Variants in PATJ observed in about 807,000 individuals in gnomAD.
PATJ encodes inaD-like protein.
Under a neutral mutation model 224.9 loss-of-function variants are expected in PATJ, and 190 were observed. The ratio of observed to expected loss-of-function variants is 0.84; its 90% CI spans 0.75 to 0.95. The LOEUF (loss-of-function observed/expected upper bound fraction) is 0.95. PATJ is among the 40% of genes least tolerant of loss of function. PATJ has a pLI of 0.00. For synonymous variants in PATJ, 769 were observed against 820.3 expected (o/e 0.94, Z 1.07); for missense variants, 2,121 against 2,270.3 (o/e 0.93, Z 1.34).
At chr1:61,744,774 CAT>C (rs2148125118) in intron 1 of PATJ, among the ~76,000 whole-genome samples, 1 of 152,256 alleles carries the variant, frequency 6.6e-6, no homozygotes, top group East Asian at 1.9e-4. Context: ...TGTCAGATCC[CAT>C]AAGACTGCCC....
At position 61,965,513 on chromosome 1, in the gene PATJ, A is replaced by T. The variant is rs544717693; in HGVS notation, c.3671-24655A>T. Among the ~76,000 whole-genome samples, 29 of 152,270 alleles carry T rather than the reference A, an allele frequency of 1.9e-4. No individual in the cohort carries two copies. In the South Asian group the frequency reaches 6.0e-3, roughly 32 times the overall value. ...ATTTAGTGAACAAAATGGTTCTCTA[A>T]CTCTCACTCTCACTAACGTTGTCAA... On this transcript the variant is annotated intron_variant, in intron 27 of 43. Transcript: ENST00000642238.
intron 29 of PATJ, among the ~76,000 whole-genome samples, chr1:62,025,618 C>T (rs910077327): frequency 2.0e-5 from 3 of 152,142 alleles, no homozygotes; most frequent in Non-Finnish European, 2.9e-5. Flanking sequence ...GCCAGGAGTT[C>T]GAGACCAGCT....
chr1:62,061,103 G>T (rs1287560664), intron 31 of PATJ, among the ~76,000 whole-genome samples: 3 of 152,120 alleles, frequency 2.0e-5, no homozygotes, highest in Non-Finnish European at 4.4e-5. Context: ...GCAGTCCCCA[G>T]TAGGTAGTTT....
At chr1:61,911,185 C>G (rs1672581643) in intron 25 of PATJ, among the ~76,000 whole-genome samples, 1 of 151,968 alleles carries the variant, frequency 6.6e-6, no homozygotes, top group Non-Finnish European at 1.5e-5. Flanking sequence ...CACCAGTACA[C>G]TTTCTTGGGT....
At position 62,086,228 on chromosome 1, in the gene PATJ, A is replaced by ATGTGTGTGTGTGTGTGTGTGTGTGTGTG. The variant is rs145837024; in HGVS notation, c.4377+1595_4377+1596insGTGTGTGTGTGTGTGTGTGTGTGTGTGT. ...TACTCAAGATGTGATTAATTAATGCATGTGTGTGTGTGTGTATGTGTGTGT... is the reference window on the plus strand; with the variant it reads ...TACTCAAGATGTGATTAATTAATGCATGTGTGTGTGTGTGTGTGTGTGTGTGTGTGTGTGTGTGTGTGTATGTGTGTGT... On this transcript the variant is annotated intron_variant, in intron 33 of 43. Coordinates refer to ENST00000642238, the MANE Select transcript of PATJ (RefSeq NM_001350145.3). This position sits in a 1 kb window ranked among gnomAD's most constrained non-coding sequence, Gnocchi z 4.0. 7.3e-3 allele frequency among the ~76,000 whole-genome samples: 1,099 copies of ATGTGTGTGTGTGTGTGTGTGTGTGTGTG among 150,292 alleles called. 12 individuals are homozygous for ATGTGTGTGTGTGTGTGTGTGTGTGTGTG. The highest frequency in any genetic ancestry group is 0.026 in the African/African-American group (1,043 of 40,274).
intron 17 of PATJ, among the ~76,000 whole-genome samples, chr1:61,837,993 G>T (rs1038069398): frequency 6.6e-6 from 1 of 152,010 alleles, no homozygotes; most frequent in African/African-American, 2.4e-5. Flanking sequence ...TGAGTCATAT[G>T]GCCAAAGTAC....
chr1:62,114,237 T>C lies in PATJ; in HGVS notation c.4646T>C (p.Val1549Ala). 1 of 1,613,924 alleles carries C rather than the reference T, an allele frequency of 6.2e-7. No homozygotes were observed. Among genetic ancestry groups the C allele is most frequent in the South Asian group, 1.1e-5 (1 of 91,030 alleles). Reference protein sequence around the residue: ...KAGRGLGLSIVGKRNGSGVFI... With the variant: ...KAGRGLGLSIAGKRNGSGVFI... ...GGCCGGGGCCTGGGCCTGAGCATCG[T>C]TGGGAAACGGTAAAGACGTGCTGTG... is the stretch of plus-strand genomic sequence containing the variant. Residue 1549 changes from valine (V) to alanine (A), a missense_variant, in exon 35 of 44, where the codon GTT (valine) becomes GCT (alanine). Physicochemically the swap from Val to Ala is moderately conservative, Grantham distance 64. Coordinates refer to ENST00000642238, the MANE Select transcript of PATJ (RefSeq NM_001350145.3).
At chr1:61,750,586 C>T (rs747851160) in intron 1 of PATJ, among the ~76,000 whole-genome samples, 9 of 151,888 alleles carry the variant, frequency 5.9e-5, no homozygotes, top group Admixed American at 4.6e-4. Flanking sequence ...TACAGGTGCC[C>T]GCGACCATGC....
intron 12 of PATJ, 151 bp downstream of exon 12, chr1:61,801,920 A>G: frequency 2.2e-6 from 1 of 456,446 alleles, no homozygotes; most frequent in Non-Finnish European, 3.8e-6. Context: ...TTTGAGACAG[A>G]GTTTCTTTTT....
intron 27 of PATJ, among the ~76,000 whole-genome samples, chr1:61,929,200 G>A (rs773407159): frequency 6.6e-6 from 1 of 152,230 alleles, no homozygotes; most frequent in Non-Finnish European, 1.5e-5. Flanking sequence ...GAATGGAGCT[G>A]AATTGTTGTT....
chr1:61,820,508 A>T (rs1427386808), intron 14 of PATJ, among the ~76,000 whole-genome samples: 1 of 151,700 alleles, frequency 6.6e-6, no homozygotes, highest in African/African-American at 2.4e-5. Flanking sequence ...ACACTCAGCT[A>T]ATTTTGTATT....
rs113152189 is a variant in PATJ, at chr1:61,795,740, C to T, written c.1260+182C>T. On this transcript the variant is annotated intron_variant, in intron 10 of 43. Transcript: ENST00000642238. The stretch of plus-strand genomic sequence containing the variant: ...CTTCTTCCTACATTAAATTTTTTTT[C>T]ACCGTCAGTGAAGAAAGGATTCACT... 1.4e-4 allele frequency among the ~76,000 whole-genome samples: 21 copies of T among 152,098 alleles called. 1 individual carries two copies. The East Asian group carries it at 4.1e-3, about 29-fold the overall frequency.
chr1:62,129,357 G>A (rs947523510), intron 41 of PATJ, among the ~76,000 whole-genome samples: 2 of 152,138 alleles, frequency 1.3e-5, no homozygotes, highest in African/African-American at 2.4e-5. Flanking sequence ...TTTTCCTTTA[G>A]CATAGATTGC....
chr1:62,153,323 A>G (rs1347718009), intron 42 of PATJ, 35 bp from the exon 43 acceptor site: 1 of 1,211,660 alleles, frequency 8.3e-7, no homozygotes, highest in African/African-American at 1.6e-5. Context: ...CTCAATATCT[A>G]TTCTCGAATT....
At chr1:62,102,569 G>T (rs1662305929) in intron 33 of PATJ, among the ~76,000 whole-genome samples, 1 of 151,916 alleles carries the variant, frequency 6.6e-6, no homozygotes, top group South Asian at 2.1e-4. Context: ...TAACAAATGG[G>T]CCAGGCGTGG....
At chr1:62,130,528 A>T (rs540497641) in intron 41 of PATJ, among the ~76,000 whole-genome samples, 114 of 151,592 alleles carry the variant, frequency 7.5e-4, no homozygotes, top group Middle Eastern at 6.8e-3. Context: ...ATAAAAATTT[A>T]ATTTTAATAA....
rs1652546003 is a variant in PATJ, at chr1:61,801,744, C to T, written c.1524C>T (p.Asp508=). 12 of 1,598,720 alleles carry T rather than the reference C, an allele frequency of 7.5e-6. No homozygotes were observed. The highest frequency in any genetic ancestry group is 9.4e-6 in the Non-Finnish European group (11 of 1,171,622). ...IKERIDTLKN[D]NIQALEKLEK... ...AAAGAATTGATACTTTAAAAAATGACAACATACAAGCCTTAGAAAAATTGG... is the reference window on the plus strand; with the variant it reads ...AAAGAATTGATACTTTAAAAAATGATAACATACAAGCCTTAGAAAAATTGG... The change falls in exon 12 of 44, where the codon GAC becomes GAT. Residue 508 remains aspartate, a synonymous_variant. Coordinates refer to ENST00000642238, the MANE Select transcript of PATJ (RefSeq NM_001350145.3).
chr1:61,753,492 C>T (rs1255066321), intron 1 of PATJ, among the ~76,000 whole-genome samples: 1 of 146,936 alleles, frequency 6.8e-6, no homozygotes, highest in Non-Finnish European at 1.5e-5. Flanking sequence ...CCTTACTTTG[C>T]CTAAATTCTT....
chr1:62,010,998 C>A (rs532718715), intron 28 of PATJ, among the ~76,000 whole-genome samples: 1 of 152,332 alleles, frequency 6.6e-6, no homozygotes, highest in South Asian at 2.1e-4. Context: ...AACTTCCTCA[C>A]CTCTCTCAGC....
Sources: gnomAD v4.1 joint callset for allele counts (sites outside exome capture counted in the v4.1 genomes callset) on GRCh38, gnomAD v4.1.1 for gene constraint, Gnocchi (gnomAD v3.1) non-coding constraint, MANE v1.5 for transcripts, NCBI Gene and HGNC (gene_info 2026-07-23, HGNC 2026-07-21) for gene names.